Variants in FBXO7 observed in about 807,000 individuals in gnomAD.
FBXO7 encodes the protein F-box protein 7, also known as F-box only protein 7.
In FBXO7, 31 loss-of-function variants were observed where a neutral mutation model predicts 50.2. That is an observed-to-expected ratio of 0.62 (90% CI 0.46 to 0.83). The LOEUF is 0.83. Among genes scored for constraint, FBXO7 ranks in the 40% least tolerant of loss-of-function variants. The pLI, the probability that FBXO7 is intolerant of heterozygous loss-of-function variation, is 0.00. For synonymous variants in FBXO7, 256 were observed against 253.1 expected (o/e 1.01, Z -0.11); for missense variants, 667 against 646.6 (o/e 1.03, Z -0.34).
chr22:32,484,193 G>T, intron 3 of FBXO7, 69 bp downstream of exon 3: 2 of 1,375,670 alleles, frequency 1.5e-6, no homozygotes, highest in Non-Finnish European at 2.1e-6. Context: ...CTGCTCTCAA[G>T]TTGCCCGTAG....
Position 32,498,646 on chromosome 22 carries a change from CA to C in FBXO7, c.*117del. 8.0e-7 allele frequency: 1 copy of C among 1,257,856 alleles called. No individual in the cohort carries two copies. The highest frequency in any genetic ancestry group is 2.5e-5 in the East Asian group (1 of 39,602). The allele number at this position is 1,257,856 out of a possible 1,614,324, so 77.9% of individuals were successfully genotyped here. A position where few individuals can be genotyped will look rare whatever the true frequency, so the allele number is the denominator to read the frequency against. ...TTTCTGATTGTGGTGTTGAGAGTTG[CA>C]CTCCCAGAAACCTTTTAAGAGATAC... On this transcript the variant is annotated 3_prime_UTR_variant, in exon 9 of 9. Coordinates refer to ENST00000266087, the MANE Select transcript of FBXO7 (RefSeq NM_012179.4).
chr22:32,490,030 G>A (rs770715870), intron 5 of FBXO7: 1 of 152,208 alleles, frequency 6.6e-6, no homozygotes. Flanking sequence ...AAGATTGCAA[G>A]TCACACAACA....
In FBXO7 at chr22:32,479,135, T is replaced by A. The variant is rs143041875; in HGVS notation, c.277T>A (p.Ser93Thr). ...PAPNIPSSTD[S>T]EHSSLQNNEQ... ...GCCTAATATACCTTCATCCACAGAT[T>A]CAGAGCATTCTTCACTCCAGAATAA... The change falls in exon 2 of 9, where the codon TCA (serine) becomes ACA (threonine). Residue 93 changes from serine to threonine, a missense_variant. Physicochemically the swap from Ser to Thr is moderately conservative, Grantham distance 58. Transcript: ENST00000266087. The A allele has an allele frequency of 1.2e-6, 2 of 1,614,176 alleles. No individual in the cohort carries two copies. Among genetic ancestry groups the A allele is most frequent in the Non-Finnish European group, 1.7e-6 (2 of 1,180,034 alleles).
rs1160103771 is a variant in FBXO7 at position 32,484,119 on chromosome 22, C to T, written c.640C>T (p.Pro214Ser). 2 of 1,613,078 alleles carry T rather than the reference C, an allele frequency of 1.2e-6. No homozygotes were observed. The highest frequency in any genetic ancestry group is 4.5e-5 in the East Asian group (2 of 44,888). ...TCTCATGTTGGAGTCAGGTTACATA[C>T]CTCAGGTAAGTACTGCAAGCAAAAC... ...HLLMLESGYI[P>S]QGTEAKALSM... is the part of the protein sequence containing the mutation. Residue 214 changes from proline (P) to serine (S), a missense_variant, in exon 3 of 9, where the codon CCT (proline) becomes TCT (serine). Pro to Ser is a moderately conservative substitution (Grantham distance 74). Coordinates refer to ENST00000266087, the MANE Select transcript of FBXO7 (RefSeq NM_012179.4).
intron 8 of FBXO7, among the ~76,000 whole-genome samples, chr22:32,495,891 C>A (rs374104938): frequency 6.6e-6 from 1 of 152,192 alleles, no homozygotes. Flanking sequence ...TCTAATGTCT[C>A]TATAACAAAA....
At chr22:32,484,834 G>T (rs141583948) in intron 3 of FBXO7, among the ~76,000 whole-genome samples, 1 of 152,214 alleles carries the variant, frequency 6.6e-6, no homozygotes, top group East Asian at 1.9e-4. Flanking sequence ...CCATGATGCA[G>T]TTTTACCTAT....
intron 2 of FBXO7, among the ~76,000 whole-genome samples, chr22:32,482,082 A>G (rs1034458568): frequency 4.6e-5 from 7 of 152,182 alleles, no homozygotes; most frequent in Non-Finnish European, 8.8e-5. Context: ...CACAACTGCC[A>G]ATAAGTAGTA....
intron 5 of FBXO7, 37 bp downstream of exon 5, chr22:32,487,865 C>A: frequency 1.6e-6 from 2 of 1,283,440 alleles, no homozygotes; most frequent in South Asian, 2.5e-5. Flanking sequence ...GGGTGAAACT[C>A]TGTGAAATTC....
intron 4 of FBXO7, 171 bp from the exon 5 acceptor site, chr22:32,487,574 G>T (rs2057506270): frequency 1.0e-5 from 6 of 584,942 alleles, no homozygotes; most frequent in Non-Finnish European, 1.9e-5. Flanking sequence ...GTGATGCCAG[G>T]TTTACACTTT....
intron 6 of FBXO7, chr22:32,492,022 C>T (rs1056643155): frequency 6.6e-6 from 1 of 151,940 alleles, no homozygotes; most frequent in African/African-American, 2.4e-5. Context: ...AACGCTTTTG[C>T]CCAGAAATTA....
intron 5 of FBXO7, chr22:32,489,089 C>CA (rs1366965405): frequency 2.6e-5 from 4 of 152,214 alleles, no homozygotes; most frequent in Non-Finnish European, 4.4e-5. Context: ...GGATTACAGG[C>CA]ATGAGCCACT....
At chr22:32,493,077 C>G (rs1193531366) in intron 6 of FBXO7, 28 bp from the exon 7 acceptor site, 3 of 1,610,220 alleles carry the variant, frequency 1.9e-6, no homozygotes, top group African/African-American at 1.3e-5. Context: ...CTCAGTAATA[C>G]CTGTTACTTC....
chr22:32,483,139 G>A (rs2057475584), intron 2 of FBXO7, among the ~76,000 whole-genome samples: 1 of 152,218 alleles, frequency 6.6e-6, no homozygotes, highest in African/African-American at 2.4e-5. Flanking sequence ...ATGAGATGGT[G>A]TCACAGGGAT....
intron 6 of FBXO7, 150 bp downstream of exon 6, chr22:32,491,331 G>A: frequency 1.6e-6 from 1 of 616,672 alleles, no homozygotes. Flanking sequence ...TTCCTTAAGT[G>A]CTATTTACTT....
At chr22:32,483,667 A>T (rs138468760) in intron 2 of FBXO7, among the ~76,000 whole-genome samples, 1 of 152,296 alleles carries the variant, frequency 6.6e-6, no homozygotes, top group East Asian at 1.9e-4. Flanking sequence ...GGAGTCTAGG[A>T]TGATTTCCAG....
intron 1 of FBXO7, chr22:32,478,139 A>G (rs955226179): frequency 2.6e-5 from 4 of 152,298 alleles, no homozygotes; most frequent in Non-Finnish European, 4.4e-5. Context: ...GCTCATGTGA[A>G]TAGAGAACAG....
intron 1 of FBXO7, chr22:32,475,582 A>G (rs1036744828): frequency 1.3e-6 from 1 of 767,604 alleles, no homozygotes; most frequent in Non-Finnish European, 2.0e-6. Context: ...AAAAGTTTGG[A>G]AATTGCTAGA....
In FBXO7 at chr22:32,492,919, T is replaced by C. The variant is rs1274226872; in HGVS notation, c.968-186T>C. 6.1e-6 allele frequency: 4 copies of C among 655,026 alleles called. No homozygotes were observed. The African/African-American group carries it at 7.3e-5, about 12-fold the overall frequency. 40.6% of individuals were successfully genotyped at this position (655,026 alleles called of 1,614,324 possible). Reference sequence around the variant, plus strand: ...AAGGGCCTAGAGTTATATGAGTTAATAGTAATTATAGTCAAGCTGGGGTTA... The same window carrying C: ...AAGGGCCTAGAGTTATATGAGTTAACAGTAATTATAGTCAAGCTGGGGTTA... On this transcript the variant is annotated intron_variant, in intron 6 of 8. Coordinates refer to ENST00000266087, the MANE Select transcript of FBXO7 (RefSeq NM_012179.4).
chr22:32,484,007 A>G lies in FBXO7; in HGVS notation c.528A>G (p.Glu176=). 6.2e-7 allele frequency: 1 copy of G among 1,614,176 alleles called. No homozygotes were observed. Among genetic ancestry groups the G allele is most frequent in the South Asian group, 1.1e-5 (1 of 91,082 alleles). ...CCATGCTCTGTAGTGAATCGGTGGA[A>G]GGGCAAGTGCCACATTCATTAGAGA... is the stretch of plus-strand genomic sequence containing the variant. ...SEPMLCSESV[E]GQVPHSLETL... is the part of the protein sequence containing the mutation. Residue 176 remains glutamate (E), a synonymous_variant, in exon 3 of 9, where the codon GAA becomes GAG. Coordinates refer to ENST00000266087, the MANE Select transcript of FBXO7 (RefSeq NM_012179.4).
Sources: allele counts gnomAD v4.1 joint callset (sites outside exome capture counted in the v4.1 genomes callset), GRCh38; gene constraint gnomAD v4.1.1; transcripts MANE v1.5; gene names NCBI Gene and HGNC (gene_info 2026-07-23, HGNC 2026-07-21).